ARHGAP40: variants seen among roughly 807,000 people sequenced by gnomAD.
The protein encoded by ARHGAP40 is Rho GTPase activating protein 40.
ARHGAP40 carries 43 observed loss-of-function variants against 73.5 expected under a neutral mutation model. The ratio of observed to expected loss-of-function variants is 0.58; its 90% CI spans 0.46 to 0.75. The LOEUF is 0.75. Ranked by LOEUF, ARHGAP40 falls within the 30% of genes least tolerant of loss-of-function variation. The pLI is 0.00. For synonymous variants in ARHGAP40, 300 were observed against 352.8 expected, an observed-to-expected ratio of 0.85 and a Z score of 1.68; for missense variants, 734 against 861.8, an observed-to-expected ratio of 0.85 and a Z score of 1.86.
At chr20:38,636,097 CATG>C (rs775169987) in intron 6 of ARHGAP40, among the ~76,000 whole-genome samples, 40 of 152,134 alleles carry the variant, frequency 2.6e-4, no homozygotes, top group Non-Finnish European at 4.7e-4. Flanking sequence ...AAACTAGTCA[CATG>C]GCCTAGCAAG....
rs1165960708 is a variant in ARHGAP40, at chr20:38,601,850, G to A, written c.-93G>A. On this transcript the variant is annotated 5_prime_UTR_variant, in exon 1 of 15. Coordinates refer to ENST00000373345, the Ensembl canonical transcript of ARHGAP40. ...GTCTGGGAACTGGGTGCGCCACGGG[G>A]GCCCTACCTCACTCCTCCCTCTCAC... 6 of 1,258,408 alleles carry A rather than the reference G, an allele frequency of 4.8e-6. No individual in the cohort carries two copies. In the South Asian group the frequency reaches 5.1e-5, roughly 11 times the overall value. 78.0% of individuals were successfully genotyped at this position (1,258,408 alleles called of 1,614,324 possible).
intron 1 of ARHGAP40, among the ~76,000 whole-genome samples, chr20:38,605,381 C>T (rs1049577857): frequency 1.3e-5 from 2 of 152,120 alleles, no homozygotes; most frequent in Non-Finnish European, 2.9e-5. Flanking sequence ...TAAATGCTGA[C>T]CTGAAAGGCC....
intron 1 of ARHGAP40, among the ~76,000 whole-genome samples, chr20:38,609,506 T>C (rs2088792253): frequency 6.6e-6 from 1 of 152,092 alleles, no homozygotes. Flanking sequence ...GCTTATACAA[T>C]AATAAAAAGA....
At chr20:38,643,997 G>A (rs905633113) in intron 11 of ARHGAP40, 87 bp downstream of exon 11, 9 of 1,151,772 alleles carry the variant, frequency 7.8e-6, no homozygotes, top group Non-Finnish European at 9.0e-6. Flanking sequence ...TGTCCTTTCA[G>A]TTCCCTAGTG....
At chr20:38,643,808 A>G (rs1198650951) in exon 11 of ARHGAP40, 2 of 1,305,478 alleles carry the variant, frequency 1.5e-6, no homozygotes, top group South Asian at 2.5e-5. Context: ...TTCTGCACCA[A>G]GGGCGGCCCC....
intron 2 of ARHGAP40, among the ~76,000 whole-genome samples, chr20:38,624,622 A>T (rs2088889787): frequency 7.3e-6 from 1 of 137,842 alleles, no homozygotes; most frequent in Non-Finnish European, 1.5e-5. Flanking sequence ...CTTGACCCTA[A>T]AAGCACTTTC....
At chr20:38,626,922 C>G (rs2088901380) in intron 2 of ARHGAP40, 73 bp from the exon 3 acceptor site, 1 of 1,200,080 alleles carries the variant, frequency 8.3e-7, no homozygotes, top group Non-Finnish European at 1.1e-6. Context: ...TGCTTCTATG[C>G]AGAACTTTGG....
chr20:38,604,881 A>G (rs1457660427), intron 1 of ARHGAP40, among the ~76,000 whole-genome samples: 1 of 152,134 alleles, frequency 6.6e-6, no homozygotes, highest in African/African-American at 2.4e-5. Context: ...TTATAAAATC[A>G]GCTTATAATA....
intron 3 of ARHGAP40, among the ~76,000 whole-genome samples, chr20:38,627,665 G>GTGTGTTGGTGTGTGTGGGT (rs2088910932): frequency 6.9e-6 from 1 of 144,614 alleles, no homozygotes; most frequent in Non-Finnish European, 1.5e-5. Flanking sequence ...TGTGTGTGGG[G>GTGTGTTGGTGTGTGTGGGT]GTGTGTTGGT....
intron 10 of ARHGAP40, among the ~76,000 whole-genome samples, chr20:38,642,540 C>A (rs1242891948): frequency 1.3e-5 from 2 of 152,130 alleles, no homozygotes; most frequent in Non-Finnish European, 2.9e-5. Flanking sequence ...GAAGATGATG[C>A]TTTGCAGGGT....
chr20:38,634,373 G>A (rs966424152), intron 5 of ARHGAP40, among the ~76,000 whole-genome samples: 5 of 152,086 alleles, frequency 3.3e-5, no homozygotes, highest in Admixed American at 1.3e-4. Flanking sequence ...ACAAACAAAC[G>A]TGCAAAAACC....
chr20:38,643,797 T>C (rs2089034374), exon 11 of ARHGAP40: 9 of 1,305,774 alleles, frequency 6.9e-6, no homozygotes, highest in Non-Finnish European at 9.1e-6. Flanking sequence ...CCCTAACCTC[T>C]TTCTGCACCA....
At chr20:38,623,035 G>A (rs147053914) in intron 1 of ARHGAP40, among the ~76,000 whole-genome samples, 70 of 152,278 alleles carry the variant, frequency 4.6e-4, no homozygotes, top group Non-Finnish European at 8.7e-4. Context: ...TCATTTCCTC[G>A]CCTGTCCTGG....
At chr20:38,614,735 A>G (rs1176220132) in intron 1 of ARHGAP40, among the ~76,000 whole-genome samples, 1 of 152,212 alleles carries the variant, frequency 6.6e-6, no homozygotes, top group Non-Finnish European at 1.5e-5. Context: ...CCAGGGAGCT[A>G]AGTTTTAAGG....
intron 6 of ARHGAP40, among the ~76,000 whole-genome samples, chr20:38,637,175 T>C (rs1452219057): frequency 6.6e-6 from 1 of 152,028 alleles, no homozygotes; most frequent in East Asian, 1.9e-4. Flanking sequence ...GACAGAACTT[T>C]GCTCTTGTCA....
exon 3 of ARHGAP40, chr20:38,627,114 G>A (rs769437937): frequency 2.8e-5 from 37 of 1,305,294 alleles, no homozygotes; most frequent in Admixed American, 2.3e-4. Context: ...CCAGGTGGCC[G>A]CTGTGTGCCG....
chr20:38,625,702 A>C (rs772614631), intron 2 of ARHGAP40, among the ~76,000 whole-genome samples: 9 of 152,208 alleles, frequency 5.9e-5, no homozygotes, highest in Non-Finnish European at 1.3e-4. Context: ...TACAGGCATG[A>C]GCCACCATGC....
At chr20:38,627,654 G>A (rs1291923178) in intron 3 of ARHGAP40, among the ~76,000 whole-genome samples, 5 of 142,612 alleles carry the variant, frequency 3.5e-5, no homozygotes, top group African/African-American at 7.8e-5. Context: ...GGGTGTGTTG[G>A]TGTGTGTGGG....
At chr20:38,616,731 G>A (rs1362254395) in intron 1 of ARHGAP40, among the ~76,000 whole-genome samples, 1 of 152,182 alleles carries the variant, frequency 6.6e-6, no homozygotes, top group South Asian at 2.1e-4. Flanking sequence ...GCTAAGCAGT[G>A]TTTCTCAGCC....
Sources: gnomAD v4.1 joint callset for allele counts (sites outside exome capture counted in the v4.1 genomes callset) on GRCh38, gnomAD v4.1.1 for gene constraint, MANE v1.5 for transcripts, NCBI Gene and HGNC (gene_info 2026-07-23, HGNC 2026-07-21) for gene names.